Variants in DPP10 observed in about 807,000 individuals in gnomAD.
The protein encoded by DPP10 is inactive dipeptidyl peptidase 10.
A neutral mutation model predicts 120.9 loss-of-function variants in DPP10; 33 were observed. That is an observed-to-expected ratio of 0.27 (90% CI 0.21 to 0.37). The LOEUF (loss-of-function observed/expected upper bound fraction) is 0.37. Ranked by LOEUF, DPP10 falls within the 10% of genes least tolerant of loss-of-function variation. The pLI, the probability that DPP10 is intolerant of heterozygous loss-of-function variation, is 1.00. For missense variants in DPP10, 816 were observed against 942.8 expected (o/e 0.87, Z 1.76); for synonymous variants, 337 against 326.1 (o/e 1.03, Z -0.36).
intron 19 of DPP10, among the ~76,000 whole-genome samples, chr2:115,806,849 C>G (rs1470526682): frequency 3.3e-5 from 5 of 151,870 alleles, no homozygotes; most frequent in African/African-American, 1.2e-4. Context: ...GCCCCCCCAC[C>G]CCCAGTTCCT....
chr2:114,784,273 C>G (rs1175124376), intron 1 of DPP10, among the ~76,000 whole-genome samples: 2 of 152,090 alleles, frequency 1.3e-5, no homozygotes, highest in Non-Finnish European at 2.9e-5. Flanking sequence ...AGAGTTCAAA[C>G]AAGTTATGTA....
intron 1 of DPP10, among the ~76,000 whole-genome samples, chr2:114,910,622 G>A (rs1035642417): frequency 6.6e-6 from 1 of 152,044 alleles, no homozygotes; most frequent in African/African-American, 2.4e-5. Context: ...CTAGAACTGT[G>A]TTATGTGGGA....
At chr2:114,591,463 C>G (rs924692162) in intron 1 of DPP10, among the ~76,000 whole-genome samples, 2 of 152,010 alleles carry the variant, frequency 1.3e-5, no homozygotes, top group African/African-American at 4.8e-5. Flanking sequence ...TTTGATCCTC[C>G]CATTAGCAAA....
At chr2:114,612,022 C>G (rs1234101527) in intron 1 of DPP10, among the ~76,000 whole-genome samples, 3 of 152,192 alleles carry the variant, frequency 2.0e-5, no homozygotes, top group Non-Finnish European at 2.9e-5. Flanking sequence ...CTTACTCATT[C>G]TGTTTCTCTG....
intron 3 of DPP10, among the ~76,000 whole-genome samples, chr2:115,421,652 C>T (rs2069968233): frequency 6.6e-6 from 1 of 151,864 alleles, no homozygotes; most frequent in South Asian, 2.1e-4. Context: ...GCAGGCGGAT[C>T]ACGAAGTCAA....
chr2:115,451,090 G>C (rs2073071836), intron 3 of DPP10, among the ~76,000 whole-genome samples: 1 of 151,800 alleles, frequency 6.6e-6, no homozygotes. Flanking sequence ...TCCAAAGCCA[G>C]TGTTTGTTTG....
At chr2:115,739,111 G>A (rs1053226755) in intron 8 of DPP10, among the ~76,000 whole-genome samples, 3 of 152,040 alleles carry the variant, frequency 2.0e-5, no homozygotes, top group Non-Finnish European at 4.4e-5. Flanking sequence ...AACATTGTAG[G>A]ATAGAGCCAA....
rs556015409 is a variant in DPP10, at chr2:114,664,394, C to T, written c.60+221556C>T. 4.6e-5 allele frequency among the ~76,000 whole-genome samples: 7 copies of T among 151,838 alleles called. No individual in the cohort carries two copies. The South Asian group carries it at 1.2e-3, about 27-fold the overall frequency. ...CTGTCATCCCAACACTTTGGGAGGCCGAGGCGGATGGATCACCTGAAGTCA... is the reference window on the plus strand; with the variant it reads ...CTGTCATCCCAACACTTTGGGAGGCTGAGGCGGATGGATCACCTGAAGTCA... On this transcript the variant is annotated intron_variant, in intron 1 of 25. Coordinates refer to ENST00000410059, the MANE Select transcript of DPP10 (RefSeq NM_020868.6).
chr2:115,237,766 C>T (rs1216599087), intron 1 of DPP10, among the ~76,000 whole-genome samples: 1 of 152,168 alleles, frequency 6.6e-6, no homozygotes, highest in Non-Finnish European at 1.5e-5. Flanking sequence ...CCACAACATT[C>T]CCTTGAGCCA....
chr2:114,658,420 G>A (rs1433791246), intron 1 of DPP10, among the ~76,000 whole-genome samples: 2 of 152,114 alleles, frequency 1.3e-5, no homozygotes, highest in Non-Finnish European at 2.9e-5. Flanking sequence ...AAAAGTAAGT[G>A]TGTTTCAGAT....
chr2:114,945,483 T>A (rs1275664515), intron 1 of DPP10, among the ~76,000 whole-genome samples: 2 of 152,064 alleles, frequency 1.3e-5, no homozygotes, highest in African/African-American at 4.8e-5. Context: ...ATATGAAGAC[T>A]CTCAACATCA....
intron 3 of DPP10, among the ~76,000 whole-genome samples, chr2:115,480,176 C>T (rs887579020): frequency 4.6e-5 from 7 of 152,148 alleles, no homozygotes; most frequent in Middle Eastern, 3.4e-3. Flanking sequence ...CTGGCTCCCC[C>T]GTTCTCTTAA....
intron 1 of DPP10, among the ~76,000 whole-genome samples, chr2:114,710,906 G>T (rs17043382): frequency 0.021 from 3,131 of 152,214 alleles, 117 homozygotes; most frequent in African/African-American, 0.072. Context: ...AACTGCTTTC[G>T]ACTAAGATAG....
At chr2:115,585,289 A>G (rs533210541) in intron 5 of DPP10, among the ~76,000 whole-genome samples, 8 of 152,318 alleles carry the variant, frequency 5.3e-5, no homozygotes, top group Admixed American at 3.3e-4. Flanking sequence ...ACAAATTACA[A>G]TGATTAACTC....
At chr2:115,492,260 C>T (rs1313774050) in intron 3 of DPP10, among the ~76,000 whole-genome samples, 1 of 152,086 alleles carries the variant, frequency 6.6e-6, no homozygotes, top group Non-Finnish European at 1.5e-5. Context: ...GCATGGCTGA[C>T]TTAATTGCTT....
chr2:114,995,275 T>TA (rs1701007033), intron 1 of DPP10, among the ~76,000 whole-genome samples: 1 of 152,188 alleles, frequency 6.6e-6, no homozygotes, highest in Admixed American at 6.5e-5. Context: ...GCATAACCAA[T>TA]ATGGTTGCTT....
At chr2:115,101,980 A>C (rs1282862127) in intron 1 of DPP10, among the ~76,000 whole-genome samples, 1 of 152,266 alleles carries the variant, frequency 6.6e-6, no homozygotes, top group Non-Finnish European at 1.5e-5. Flanking sequence ...GAAATGAGGA[A>C]GTTAACATAG....
chr2:114,942,400 C>CATAT (rs1489821887), intron 1 of DPP10, among the ~76,000 whole-genome samples: 4,882 of 99,228 alleles, frequency 0.049, 126 homozygotes, highest in Middle Eastern at 0.077. Context: ...TACACACACA[C>CATAT]ACATATATAT....
chr2:114,484,063 A>G (rs112943764), intron 1 of DPP10, among the ~76,000 whole-genome samples: 2 of 152,224 alleles, frequency 1.3e-5, no homozygotes, highest in South Asian at 2.1e-4. Flanking sequence ...CAAGGCAGAT[A>G]CCACTGAGGG....
Sources: allele counts gnomAD v4.1 joint callset (sites outside exome capture counted in the v4.1 genomes callset), GRCh38; gene constraint gnomAD v4.1.1; transcripts MANE v1.5; gene names NCBI Gene and HGNC (gene_info 2026-07-23, HGNC 2026-07-21).